The following NMNAT3 variants were observed in gnomAD, a reference collection of about 807,000 sequenced individuals.
NMNAT3 encodes nicotinamide/nicotinic acid mononucleotide adenylyltransferase 3.
Under a neutral mutation model 24.8 loss-of-function variants are expected in NMNAT3, and 21 were observed. The observed-to-expected ratio is 0.85, with a 90% CI of 0.60 to 1.22. The LOEUF (loss-of-function observed/expected upper bound fraction) is 1.22. Ranked by LOEUF, NMNAT3 falls within the 50% of genes most tolerant of loss-of-function variation. NMNAT3 has a pLI of 0.00. For synonymous variants in NMNAT3, 136 were observed against 155.2 expected (o/e 0.88, Z 0.92); for missense variants, 387 against 436.6 (o/e 0.89, Z 1.01).
At chr3:139,571,285 C>A (rs1389893957) in intron 6 of NMNAT3, 1 of 152,438 alleles carries the variant, frequency 6.6e-6, no homozygotes, top group Non-Finnish European at 1.5e-5. Flanking sequence ...TTCCCTGACC[C>A]CTTGTGCTTC....
At chr3:139,568,738 T>C (rs1229160592) in intron 6 of NMNAT3, 1 of 152,224 alleles carries the variant, frequency 6.6e-6, no homozygotes, top group Non-Finnish European at 1.5e-5. Flanking sequence ...CTTTTACATT[T>C]GCTGAGGAGT....
intron 3 of NMNAT3, among the ~76,000 whole-genome samples, chr3:139,585,828 AAGGTGAATT>A (rs1293308843): frequency 6.6e-6 from 1 of 152,214 alleles, no homozygotes; most frequent in Admixed American, 6.5e-5. Flanking sequence ...TTAGGGGGAA[AAGGTGAATT>A]AAGATCTAGT....
chr3:139,570,150 C>T (rs1937935369), intron 6 of NMNAT3: 1 of 152,176 alleles, frequency 6.6e-6, no homozygotes, highest in South Asian at 2.1e-4. Flanking sequence ...CCTGAGGCTT[C>T]TACATTCGTC....
intron 3 of NMNAT3, among the ~76,000 whole-genome samples, chr3:139,585,057 T>C (rs2053873978): frequency 6.6e-6 from 1 of 152,232 alleles, no homozygotes; most frequent in Admixed American, 6.5e-5. Context: ...TATTCTGCTG[T>C]TGTTGGATGA....
rs189027049 is a variant in NMNAT3, at chr3:139,623,622, C to A, written c.109+3994G>T. On this transcript the variant is annotated intron_variant, in intron 3 of 6. Transcript: ENST00000643695. ...TGATTGAGACAGAGTCTCACTCTGT[C>A]GCCCAGGCTGGAGTGCAGTAGCTCA... 5.9e-4 allele frequency among the ~76,000 whole-genome samples: 90 copies of A among 152,188 alleles called. No individual in the cohort carries two copies. In the East Asian group the frequency reaches 9.3e-3, roughly 16 times the overall value.
chr3:139,615,758 G>C (rs1459592903), intron 3 of NMNAT3, among the ~76,000 whole-genome samples: 1 of 152,104 alleles, frequency 6.6e-6, no homozygotes, highest in East Asian at 1.9e-4. Context: ...CTACTTATTA[G>C]AGTAGAATAT....
At chr3:139,667,204 T>G (rs1400033996) in intron 1 of NMNAT3, among the ~76,000 whole-genome samples, 1 of 152,224 alleles carries the variant, frequency 6.6e-6, no homozygotes, top group Non-Finnish European at 1.5e-5. Flanking sequence ...TGTACTAAGT[T>G]ATTTAATACA....
rs184055035 is a variant in NMNAT3 at position 139,673,563 on chromosome 3, C to T, written c.-141+4142G>A. Among the ~76,000 whole-genome samples, 175 of 152,288 alleles carry T rather than the reference C, an allele frequency of 1.1e-3. 3 individuals carry two copies. In the East Asian group the frequency reaches 0.025, roughly 22 times the overall value. ...CTATAGTGATACTGACTATATTTCT[C>T]TATCTTTCTCCCTTCCACATGCGGC... On this transcript the variant is annotated intron_variant, in intron 1 of 6. Transcript: ENST00000643695.
At chr3:139,641,248 G>C (rs1450962828) in intron 1 of NMNAT3, among the ~76,000 whole-genome samples, 1 of 152,154 alleles carries the variant, frequency 6.6e-6, no homozygotes, top group East Asian at 1.9e-4. Context: ...CACAAAATGA[G>C]GACTTGTTGA....
At chr3:139,629,063 T>C (rs1368363936) in intron 2 of NMNAT3, among the ~76,000 whole-genome samples, 1 of 152,148 alleles carries the variant, frequency 6.6e-6, no homozygotes, top group Non-Finnish European at 1.5e-5. Context: ...CCCTTAAGTA[T>C]AGGCTGAAAC....
Position 139,593,601 on chromosome 3 carries a change from A to G in NMNAT3, c.110-10393T>C, listed in dbSNP as rs533373841. Among the ~76,000 whole-genome samples, 27 of 152,178 alleles carry G rather than the reference A, an allele frequency of 1.8e-4. 1 individual carries two copies. The South Asian group carries it at 2.7e-3, about 15-fold the overall frequency. ...GCAAATGTAAAATAACAGAAATTAT[A>G]ACAAACTATCTCTCAGACCACAGTG... is the stretch of plus-strand genomic sequence containing the variant. On this transcript the variant is annotated intron_variant, in intron 3 of 6. Coordinates refer to ENST00000643695, the MANE Select transcript of NMNAT3 (RefSeq NM_001320510.2).
intron 2 of NMNAT3, among the ~76,000 whole-genome samples, chr3:139,632,411 C>T (rs2056337517): frequency 6.6e-6 from 1 of 152,226 alleles, no homozygotes; most frequent in Non-Finnish European, 1.5e-5. Context: ...TGCACATTGA[C>T]ACCAAGGTCA....
chr3:139,672,925 A>C (rs1235401688), intron 1 of NMNAT3, among the ~76,000 whole-genome samples: 1 of 152,160 alleles, frequency 6.6e-6, no homozygotes, highest in Non-Finnish European at 1.5e-5. Flanking sequence ...CTGGTTCCTC[A>C]CGAAGGACTG....
At chr3:139,670,838 C>T (rs2057734285) in intron 1 of NMNAT3, among the ~76,000 whole-genome samples, 1 of 152,166 alleles carries the variant, frequency 6.6e-6, no homozygotes, top group African/African-American at 2.4e-5. Flanking sequence ...TCCTTCCTCC[C>T]ACAGTACTGG....
At chr3:139,632,114 C>A (rs1436714978) in intron 2 of NMNAT3, among the ~76,000 whole-genome samples, 3 of 151,996 alleles carry the variant, frequency 2.0e-5, no homozygotes, top group Admixed American at 2.0e-4. Context: ...CTGTGCCTGG[C>A]ACCAATAGGT....
chr3:139,575,671 A>G, intron 5 of NMNAT3: 2 of 1,033,612 alleles, frequency 1.9e-6, no homozygotes, highest in Non-Finnish European at 2.3e-6. Flanking sequence ...CCAATACAAC[A>G]TGCATTTGCC....
intron 6 of NMNAT3, chr3:139,565,281 T>C (rs1436979625): frequency 6.6e-6 from 1 of 152,246 alleles, no homozygotes; most frequent in Non-Finnish European, 1.5e-5. Flanking sequence ...AGAATGGGAA[T>C]TTATCAAGCA....
intron 3 of NMNAT3, among the ~76,000 whole-genome samples, chr3:139,592,287 T>A (rs1363015809): frequency 1.3e-5 from 2 of 152,092 alleles, no homozygotes; most frequent in African/African-American, 4.8e-5. Flanking sequence ...TAAAAAGAAA[T>A]GAGCAAAGTG....
At chr3:139,604,612 A>T (rs546684474) in intron 3 of NMNAT3, among the ~76,000 whole-genome samples, 1 of 152,222 alleles carries the variant, frequency 6.6e-6, no homozygotes, top group Non-Finnish European at 1.5e-5. Flanking sequence ...TAATTGTAAG[A>T]CTAAGATCTA....
Sources: allele counts gnomAD v4.1 joint callset (sites outside exome capture counted in the v4.1 genomes callset), GRCh38; gene constraint gnomAD v4.1.1; transcripts MANE v1.5; gene names NCBI Gene and HGNC (gene_info 2026-07-23, HGNC 2026-07-21).